SETDB1: variants seen among roughly 807,000 people sequenced by gnomAD.
The protein encoded by SETDB1 is histone-lysine N-methyltransferase SETDB1.
SETDB1 carries 31 observed loss-of-function variants against 137.4 expected under a neutral mutation model. The ratio of observed to expected loss-of-function variants is 0.23; its 90% confidence interval spans 0.17 to 0.30. The LOEUF (loss-of-function observed/expected upper bound fraction) is 0.30, where lower values mean the gene tolerates loss of function less well. SETDB1 is among the 10% of genes least tolerant of loss of function. The probability of loss-of-function intolerance (pLI) is 1.00; values close to 1 mark genes in which losing one functional copy is unlikely to be tolerated. For missense variants in SETDB1, 1,113 were observed against 1,631.5 expected (o/e 0.68, Z 5.47); for synonymous variants, 548 against 579.9 (o/e 0.95, Z 0.79).
intron 3 of SETDB1, 41 bp downstream of exon 3, chr1:150,930,159 G>A: frequency 8.5e-6 from 13 of 1,529,676 alleles, no homozygotes; most frequent in Non-Finnish European, 1.1e-5. Context: ...CAGGACTGAA[G>A]TTGAAACACT....
intron 14 of SETDB1, among the ~76,000 whole-genome samples, chr1:150,953,302 A>G (rs940661703): frequency 5.3e-5 from 8 of 152,320 alleles, no homozygotes; most frequent in African/African-American, 1.9e-4. Flanking sequence ...AGGCAGGCAG[A>G]TCACTTGAGG....
At chr1:150,949,088 ATCT>A (rs747181693) in intron 10 of SETDB1, 31 bp from the exon 11 acceptor site, 65 of 1,594,902 alleles carry the variant, frequency 4.1e-5, no homozygotes, top group Middle Eastern at 1.7e-4. Context: ...CATAGCTATC[ATCT>A]TCTCAGTGCT....
intron 2 of SETDB1, among the ~76,000 whole-genome samples, chr1:150,928,887 T>G (rs981082343): frequency 6.6e-6 from 1 of 152,180 alleles, no homozygotes; most frequent in African/African-American, 2.4e-5. Context: ...GAATGATGGT[T>G]TCCAGCTTCA....
Position 150,963,911 on chromosome 1 carries a change from C to T in SETDB1, c.3673-84C>T, listed in dbSNP as rs1157646022. 5 of 1,369,732 alleles carry T rather than the reference C, an allele frequency of 3.7e-6. No individual in the cohort carries two copies. The African/African-American group carries it at 5.7e-5, about 16-fold the overall frequency. The allele number at this position is 1,369,732 out of a possible 1,614,324, so 84.8% of individuals were successfully genotyped here. ...TATAATGGGGAGGGTCAGATGGCAT[C>T]ATTTTTCTTCCAACTCTCACTCTCC... On this transcript the variant is annotated intron_variant, in intron 20 of 21. Transcript: ENST00000692827.
intron 17 of SETDB1, 109 bp from the exon 18 acceptor site, chr1:150,962,478 A>G (rs1670852180): frequency 9.5e-7 from 1 of 1,056,724 alleles, no homozygotes; most frequent in East Asian, 2.4e-5. Context: ...TGTCCAGCCC[A>G]GTGCCTGTCT....
At chr1:150,945,848 C>T (rs941252359) in intron 9 of SETDB1, among the ~76,000 whole-genome samples, 2 of 152,022 alleles carry the variant, frequency 1.3e-5, no homozygotes, top group Non-Finnish European at 2.9e-5. Flanking sequence ...CTCAGCCTCT[C>T]GGGTAGCTGG....
intron 3 of SETDB1, among the ~76,000 whole-genome samples, chr1:150,936,106 C>T (rs1052519850): frequency 6.6e-6 from 1 of 152,190 alleles, no homozygotes; most frequent in Admixed American, 6.6e-5. Context: ...CCTGCCTCAG[C>T]CTCCCGAGTA....
At chr1:150,932,728 T>C (rs1669799132) in intron 3 of SETDB1, among the ~76,000 whole-genome samples, 1 of 152,198 alleles carries the variant, frequency 6.6e-6, no homozygotes, top group South Asian at 2.1e-4. Flanking sequence ...CTTCTTTTTC[T>C]AGCCTCTCAA....
At chr1:150,934,852 ATTC>A (rs1669899031) in intron 3 of SETDB1, among the ~76,000 whole-genome samples, 1 of 144,990 alleles carries the variant, frequency 6.9e-6, no homozygotes, top group African/African-American at 2.6e-5. Flanking sequence ...ACAGAGCTTT[ATTC>A]TTGTTGCCCA....
intron 3 of SETDB1, among the ~76,000 whole-genome samples, chr1:150,936,269 G>A (rs777542739): frequency 1.5e-4 from 23 of 152,132 alleles, no homozygotes; most frequent in East Asian, 1.9e-4. Context: ...GATTACAGGC[G>A]TGAGCCACCC....
At chr1:150,932,980 C>T (rs1163447412) in intron 3 of SETDB1, among the ~76,000 whole-genome samples, 3 of 151,756 alleles carry the variant, frequency 2.0e-5, no homozygotes, top group Non-Finnish European at 4.4e-5. Flanking sequence ...TGATATCTTT[C>T]TGTTGTTAAT....
chr1:150,944,363 A>G (rs1001416590), intron 8 of SETDB1, among the ~76,000 whole-genome samples: 2 of 152,190 alleles, frequency 1.3e-5, no homozygotes, highest in African/African-American at 2.4e-5. Flanking sequence ...AGTCTGCATA[A>G]TGCTTTCCAC....
Position 150,949,357 on chromosome 1 carries a change from A to G in SETDB1, c.1425-10A>G, listed in dbSNP as rs767075178. On this transcript the variant is annotated splice_polypyrimidine_tract_variant and intron_variant, in intron 11 of 21. Transcript: ENST00000692827. ...TCCCTTACTATATGCCCTCTTCTCT[A>G]ATCTCCTAGAAGCTTGGAAAGCCAG... 25 of 1,613,906 alleles carry G rather than the reference A, an allele frequency of 1.5e-5. No homozygotes were observed. Among genetic ancestry groups the G allele is most frequent in the Middle Eastern group, 3.3e-4 (2 of 6,084 alleles).
At chr1:150,936,786 T>A (rs988173350) in intron 3 of SETDB1, among the ~76,000 whole-genome samples, 2 of 151,900 alleles carry the variant, frequency 1.3e-5, no homozygotes, top group Admixed American at 1.3e-4. Context: ...CCCAAGTAGC[T>A]GAGACTACAG....
chr1:150,950,560 G>A lies in SETDB1; in HGVS notation c.1686G>A (p.Glu562=), dbSNP rs1670466704. 2.5e-6 allele frequency: 4 copies of A among 1,613,978 alleles called. No individual in the cohort carries two copies. Among genetic ancestry groups the A allele is most frequent in the Admixed American group, 3.3e-5 (2 of 60,000 alleles). ...GCATGCTGGAGCGGGCCCCAGCAGA[G>A]CCCTCCTACCGTGCTCCCATGGAGA... is the stretch of plus-strand genomic sequence containing the variant. ...FHGMLERAPA[E]PSYRAPMEKL... is the part of the protein sequence containing the mutation. Residue 562 remains glutamate (E), a synonymous_variant, in exon 13 of 22, where the codon GAG becomes GAA. Coordinates refer to ENST00000692827, the MANE Select transcript of SETDB1 (RefSeq NM_001366418.1).
chr1:150,955,778 C>T (rs1420946492), intron 14 of SETDB1, among the ~76,000 whole-genome samples: 1 of 152,144 alleles, frequency 6.6e-6, no homozygotes, highest in African/African-American at 2.4e-5. Flanking sequence ...CACCAGTTTA[C>T]CCAATGCCTG....
rs1467449387 is a variant in SETDB1, at chr1:150,930,128, G to GAGCT, written c.412+11_412+14dup. On this transcript the variant is annotated intron_variant, in intron 3 of 21. Coordinates refer to ENST00000692827, the MANE Select transcript of SETDB1 (RefSeq NM_001366418.1). ...CTCAGTATTGATTCAGGTAAGGGATGAGCTTTGGATAGGAGAGTCTCAGGA... is the reference window on the plus strand; with the variant it reads ...CTCAGTATTGATTCAGGTAAGGGATGAGCTAGCTTTGGATAGGAGAGTCTCAGGA... 3 of 1,610,586 alleles carry GAGCT rather than the reference G, an allele frequency of 1.9e-6. No homozygotes were observed. The highest frequency in any genetic ancestry group is 2.5e-6 in the Non-Finnish European group (3 of 1,177,786).
intron 13 of SETDB1, 31 bp downstream of exon 13, chr1:150,951,121 C>T (rs979831071): frequency 1.9e-6 from 3 of 1,583,632 alleles, no homozygotes; most frequent in African/African-American, 2.7e-5. Flanking sequence ...GCTGCCCCTG[C>T]TTCCAACTTT....
At chr1:150,939,830 A>G (rs967437789) in intron 3 of SETDB1, 110 bp from the exon 4 acceptor site, 8 of 711,358 alleles carry the variant, frequency 1.1e-5, no homozygotes, top group Middle Eastern at 2.5e-4. Context: ...ATTTTCAGTT[A>G]TTGTTGATAA....
Sources: allele counts gnomAD v4.1 joint callset (sites outside exome capture counted in the v4.1 genomes callset), GRCh38; gene constraint gnomAD v4.1.1; transcripts MANE v1.5; gene names NCBI Gene and HGNC (gene_info 2026-07-23, HGNC 2026-07-21).